ST3GAL1: variants seen among roughly 807,000 people sequenced by gnomAD.
ST3GAL1 encodes ST3 beta-galactoside alpha-2,3-sialyltransferase 1, also known as CMP-N-acetylneuraminate-beta-galactosamide-alpha-2,3-sialyltransferase 1.
A neutral mutation model predicts 34.1 loss-of-function variants in ST3GAL1; 16 were observed. That is an observed-to-expected ratio of 0.47 (90% confidence interval 0.32 to 0.71). ST3GAL1 has a LOEUF of 0.71. Among genes scored for constraint, ST3GAL1 ranks in the 30% least tolerant of loss-of-function variants. ST3GAL1 has a pLI of 0.04. For synonymous variants in ST3GAL1, 191 were observed against 184.7 expected (o/e 1.03, Z -0.28); for missense variants, 353 against 447.4 (o/e 0.79, Z 1.90).
intron 2 of ST3GAL1, among the ~76,000 whole-genome samples, chr8:133,532,820 A>T (rs1818196932): frequency 6.6e-6 from 1 of 152,206 alleles, no homozygotes; most frequent in Admixed American, 6.5e-5. Context: ...AAATGCCAGA[A>T]GAGTCCGCAG....
chr8:133,555,728 C>G (rs1000701393), intron 1 of ST3GAL1, among the ~76,000 whole-genome samples: 2 of 152,172 alleles, frequency 1.3e-5, no homozygotes, highest in African/African-American at 4.8e-5. Flanking sequence ...CGGCGGGTGC[C>G]TGGCTTGGGC....
rs1182077963 is a variant in ST3GAL1 at position 133,467,285 on chromosome 8, C to T, written c.307-1195G>A. Among the ~76,000 whole-genome samples the T allele has an allele frequency of 2.0e-5, 3 of 152,182 alleles. No homozygotes were observed. The highest frequency in any genetic ancestry group is 6.5e-5 in the Admixed American group (1 of 15,286). ...CCCCGGTGGTTTCACTATTGGCCCC[C>T]GCTGCATGCCCAGGCCCGCCCGTCA... On this transcript the variant is annotated intron_variant, in intron 5 of 9. Transcript: ENST00000522652. This position sits in a 1 kb window ranked among gnomAD's most constrained non-coding sequence, Gnocchi z 4.2.
At position 133,546,201 on chromosome 8, in the gene ST3GAL1, G is replaced by T. The variant is rs577025145; in HGVS notation, c.-581-275C>A. On this transcript the variant is annotated intron_variant, in intron 1 of 9. Coordinates refer to ENST00000522652, the MANE Select transcript of ST3GAL1 (RefSeq NM_173344.3). The stretch of plus-strand genomic sequence containing the variant: ...AAATACACAAACAATTCAGGACAAT[G>T]TAATACAGGCGGCTTGGGCGCCTGT... Among the ~76,000 whole-genome samples, 18 of 152,346 alleles carry T rather than the reference G, an allele frequency of 1.2e-4. No homozygotes were observed. The Middle Eastern group carries it at 0.017, about 144-fold the overall frequency.
intron 2 of ST3GAL1, among the ~76,000 whole-genome samples, chr8:133,533,758 G>C (rs1818224344): frequency 6.6e-6 from 1 of 152,294 alleles, no homozygotes; most frequent in Admixed American, 6.5e-5. Flanking sequence ...ATGGGTAACA[G>C]GTGGCAAGAA....
chr8:133,517,358 TA>T (rs1434570555), intron 2 of ST3GAL1, among the ~76,000 whole-genome samples: 1 of 152,174 alleles, frequency 6.6e-6, no homozygotes, highest in African/African-American at 2.4e-5. Flanking sequence ...TTTATTTTAT[TA>T]TTTTTTTTGA....
At chr8:133,483,812 C>G (rs989221991) in intron 3 of ST3GAL1, among the ~76,000 whole-genome samples, 1 of 152,138 alleles carries the variant, frequency 6.6e-6, no homozygotes, top group Admixed American at 6.5e-5. Context: ...GGCAGCTGGT[C>G]CCAGAGGCTT....
chr8:133,523,793 C>T (rs756595288), intron 2 of ST3GAL1, among the ~76,000 whole-genome samples: 1 of 152,208 alleles, frequency 6.6e-6, no homozygotes, highest in African/African-American at 2.4e-5. Context: ...TATCCCTCGT[C>T]CTCGTCTCTC....
At chr8:133,488,322 G>C (rs1816677753) in intron 3 of ST3GAL1, 2 of 152,256 alleles carry the variant, frequency 1.3e-5, no homozygotes, top group African/African-American at 4.8e-5. Flanking sequence ...GTATTTCAGG[G>C]AAGGTAGCAT....
chr8:133,494,949 C>T (rs1328387352), intron 3 of ST3GAL1, among the ~76,000 whole-genome samples: 5 of 136,594 alleles, frequency 3.7e-5, no homozygotes, highest in African/African-American at 1.4e-4. Context: ...GACAGAGTCT[C>T]GCTCTGTCAC....
Position 133,475,818 on chromosome 8 carries a change from C to T in ST3GAL1, c.207G>A (p.Lys69=), listed in dbSNP as rs1816154009. 1 of 1,614,176 alleles carries T rather than the reference C, an allele frequency of 6.2e-7. No homozygotes were observed. Among genetic ancestry groups the T allele is most frequent in the South Asian group, 1.1e-5 (1 of 91,076 alleles). Residue 69 remains lysine (K), a synonymous_variant, in exon 5 of 10, where the codon AAG becomes AAA. Transcript: ENST00000522652. The part of the protein sequence containing the change: ...CTCTHCIGQR[K]LSAWFDERFN... ...ACCTCTCATCGAACCAGGCCGAGAG[C>T]TTGCGCTGCCCGATGCAGTGGGTGC...
chr8:133,525,613 G>A (rs1563727060), intron 2 of ST3GAL1, among the ~76,000 whole-genome samples: 1 of 152,050 alleles, frequency 6.6e-6, no homozygotes, highest in Non-Finnish European at 1.5e-5. Flanking sequence ...GGCTGTGCAT[G>A]CTGAGGGACG....
intron 1 of ST3GAL1, among the ~76,000 whole-genome samples, chr8:133,567,975 C>T (rs1388857577): frequency 1.3e-5 from 2 of 151,036 alleles, no homozygotes; most frequent in African/African-American, 4.9e-5. Context: ...GACTGGAGTG[C>T]CATGGCACGA....
rs1326946720 is a variant in ST3GAL1 at position 133,556,600 on chromosome 8, A to G, written c.-581-10674T>C. Among the ~76,000 whole-genome samples the G allele has an allele frequency of 6.6e-6, 1 of 152,214 alleles. No individual in the cohort carries two copies. The highest frequency in any genetic ancestry group is 1.5e-5 in the Non-Finnish European group (1 of 68,042). On this transcript the variant is annotated intron_variant, in intron 1 of 9. Transcript: ENST00000522652. This position sits in a 1 kb window ranked among gnomAD's most constrained non-coding sequence, Gnocchi z 8.9. Reference sequence around the variant, plus strand: ...GCTGCATAACTATGTACTTTCGAACAAGATTTTTAGGATGAAGAAACGAAA... The same window carrying G: ...GCTGCATAACTATGTACTTTCGAACGAGATTTTTAGGATGAAGAAACGAAA...
intron 1 of ST3GAL1, among the ~76,000 whole-genome samples, chr8:133,557,407 C>T (rs999446011): frequency 4.6e-4 from 70 of 152,172 alleles, no homozygotes; most frequent in South Asian, 2.1e-4. Flanking sequence ...TTCTCTAGGG[C>T]ACCCTGAGCA....
At chr8:133,507,954 A>T (rs1247579967) in intron 2 of ST3GAL1, among the ~76,000 whole-genome samples, 1 of 152,018 alleles carries the variant, frequency 6.6e-6, no homozygotes, top group Non-Finnish European at 1.5e-5. Context: ...CTGTCCCTTG[A>T]TCCAGAGAAC....
At chr8:133,538,007 CAT>C (rs1415952336) in intron 2 of ST3GAL1, among the ~76,000 whole-genome samples, 2 of 152,304 alleles carry the variant, frequency 1.3e-5, no homozygotes, top group East Asian at 3.9e-4. Flanking sequence ...CCATTTTACA[CAT>C]GAGACAATAG....
chr8:133,481,336 C>T (rs1028355982), intron 3 of ST3GAL1, among the ~76,000 whole-genome samples: 9 of 152,186 alleles, frequency 5.9e-5, no homozygotes, highest in Non-Finnish European at 1.3e-4. Context: ...GGGGCATAGC[C>T]GTTCTCAACA....
At chr8:133,510,050 ACT>A (rs1337609686) in intron 2 of ST3GAL1, among the ~76,000 whole-genome samples, 2 of 128,776 alleles carry the variant, frequency 1.6e-5, no homozygotes, top group African/African-American at 6.3e-5. Context: ...CAAGAGTGAA[ACT>A]CTGTCTCAAA....
chr8:133,485,160 C>T lies in ST3GAL1; in HGVS notation c.-373-8560G>A, dbSNP rs564721730. ...AGAGTTTGTTCCCACTCGCTGTGTG[C>T]TTCCCCTAACTGCAGGGGCTGGAAG... On this transcript the variant is annotated intron_variant, in intron 3 of 9. Coordinates refer to ENST00000522652, the MANE Select transcript of ST3GAL1 (RefSeq NM_173344.3). 1.9e-4 allele frequency among the ~76,000 whole-genome samples: 29 copies of T among 152,306 alleles called. No homozygotes were observed. In the South Asian group the frequency reaches 3.5e-3, roughly 18 times the overall value.
Sources: allele counts gnomAD v4.1 joint callset (sites outside exome capture counted in the v4.1 genomes callset), GRCh38; gene constraint gnomAD v4.1.1; non-coding constraint Gnocchi (gnomAD v3.1); transcripts MANE v1.5; gene names NCBI Gene and HGNC (gene_info 2026-07-23, HGNC 2026-07-21).